The following UBE2D1 variants were observed in gnomAD, a reference collection of about 807,000 sequenced individuals.
UBE2D1 encodes the protein ubiquitin conjugating enzyme E2 D1.
UBE2D1 carries 9 observed loss-of-function variants against 24.6 expected under a neutral mutation model. The observed-to-expected ratio is 0.37, with a 90% CI of 0.22 to 0.64. The LOEUF (loss-of-function observed/expected upper bound fraction) is 0.64. UBE2D1 is among the 30% of genes least tolerant of loss of function. UBE2D1 has a pLI of 0.64. For synonymous variants in UBE2D1, 57 were observed against 57.6 expected (o/e 0.99, Z 0.04); for missense variants, 87 against 177.1 (o/e 0.49, Z 2.89).
intron 1 of UBE2D1, among the ~76,000 whole-genome samples, chr10:58,359,868 A>C (rs1840175391): frequency 6.6e-6 from 1 of 151,962 alleles, no homozygotes; most frequent in Non-Finnish European, 1.5e-5. Flanking sequence ...TAATTCATCA[A>C]CTCCTGTGAT....
chr10:58,335,169 GC>G lies in UBE2D1; in HGVS notation c.-31del. 6.5e-7 allele frequency: 1 copy of G among 1,541,544 alleles called. No homozygotes were observed. The highest frequency in any genetic ancestry group is 1.2e-5 in the South Asian group (1 of 84,120). On this transcript the variant is annotated 5_prime_UTR_variant, in exon 1 of 7. Transcript: ENST00000373910. ...CCCCTGAGCCCCGCAGCCGACCCCT[GC>G]CGGCCGGTGTCCCCACCGCCATCCC...
intron 1 of UBE2D1, among the ~76,000 whole-genome samples, chr10:58,341,335 G>A (rs1193590092): frequency 1.4e-4 from 21 of 152,162 alleles, no homozygotes; most frequent in Admixed American, 1.4e-3. Flanking sequence ...ACAACTTAAA[G>A]AAGCACGGTA....
rs1468916758 is a variant in UBE2D1, at chr10:58,337,187, A to T, written c.24+1962A>T. Among the ~76,000 whole-genome samples the T allele has an allele frequency of 2.0e-5, 3 of 152,330 alleles. No individual in the cohort carries two copies. The East Asian group carries it at 5.8e-4, about 29-fold the overall frequency. ...AGAATTGATATCAAACATGTGACAA[A>T]TTGATATTTTGGAAAAGAAATTGGG... On this transcript the variant is annotated intron_variant, in intron 1 of 6. Transcript: ENST00000373910.
intron 1 of UBE2D1, among the ~76,000 whole-genome samples, chr10:58,350,998 T>TA (rs1840069799): frequency 6.6e-6 from 1 of 152,188 alleles, no homozygotes; most frequent in Non-Finnish European, 1.5e-5. Flanking sequence ...AGCTACTCAT[T>TA]AAAAAGGTAC....
In UBE2D1 at chr10:58,361,421, T is replaced by G. The variant is rs1564561889; in HGVS notation, c.88+20T>G. 1.9e-6 allele frequency: 3 copies of G among 1,614,194 alleles called. No individual in the cohort carries two copies. The highest frequency in any genetic ancestry group is 2.5e-6 in the Non-Finnish European group (3 of 1,180,026). ...ATGACTGTAAGCCTTGCTCTATTTCTGGGATTATGCTACCTTTAAAAATAT... is the reference window on the plus strand; with the variant it reads ...ATGACTGTAAGCCTTGCTCTATTTCGGGGATTATGCTACCTTTAAAAATAT... On this transcript the variant is annotated intron_variant, in intron 2 of 6. Transcript: ENST00000373910.
At chr10:58,339,009 G>A (rs1017561182) in intron 1 of UBE2D1, among the ~76,000 whole-genome samples, 8 of 152,138 alleles carry the variant, frequency 5.3e-5, no homozygotes, top group Non-Finnish European at 8.8e-5. Context: ...TTTTTGATTT[G>A]TAGAATTTTA....
intron 1 of UBE2D1, among the ~76,000 whole-genome samples, chr10:58,343,394 G>A (rs181712596): frequency 2.4e-3 from 368 of 152,214 alleles, no homozygotes; most frequent in African/African-American, 8.4e-3. Flanking sequence ...GTTTTAGTGT[G>A]TGTGTGTGTA....
intron 1 of UBE2D1, among the ~76,000 whole-genome samples, chr10:58,356,151 A>G (rs1437172469): frequency 6.6e-6 from 1 of 152,126 alleles, no homozygotes; most frequent in African/African-American, 2.4e-5. Context: ...CTGAATAAAA[A>G]TCTTTATTTT....
chr10:58,361,795 C>CTT (rs770860227), intron 3 of UBE2D1, among the ~76,000 whole-genome samples: 29 of 131,342 alleles, frequency 2.2e-4, no homozygotes, highest in African/African-American at 6.7e-4. Flanking sequence ...GTGTGTTTAT[C>CTT]TTTTTTTTTT....
At chr10:58,352,600 A>T (rs1450371346) in intron 1 of UBE2D1, among the ~76,000 whole-genome samples, 1 of 152,018 alleles carries the variant, frequency 6.6e-6, no homozygotes, top group African/African-American at 2.4e-5. Context: ...CGAAAAAAAA[A>T]ATTACTATTT....
chr10:58,344,891 G>A (rs1839999727), intron 1 of UBE2D1, among the ~76,000 whole-genome samples: 1 of 148,978 alleles, frequency 6.7e-6, no homozygotes. Context: ...TAATGACAAA[G>A]TCTGGCTCTG....
At chr10:58,355,463 G>T (rs1905455) in intron 1 of UBE2D1, among the ~76,000 whole-genome samples, 79,999 of 151,928 alleles carry the variant, frequency 0.53, 22,022 homozygotes, top group African/African-American at 0.71. Flanking sequence ...GTAACTGTGG[G>T]AAGCAACGTA....
At chr10:58,336,051 C>T (rs1261469214) in intron 1 of UBE2D1, among the ~76,000 whole-genome samples, 1 of 152,174 alleles carries the variant, frequency 6.6e-6, no homozygotes. Flanking sequence ...ATATCTTCAT[C>T]CAACAACTGT....
intron 1 of UBE2D1, among the ~76,000 whole-genome samples, chr10:58,347,670 G>T (rs573504041): frequency 7.2e-6 from 1 of 139,364 alleles, no homozygotes; most frequent in Non-Finnish European, 1.5e-5. Flanking sequence ...GCCCCGAGAC[G>T]GAGTTTTGCT....
At chr10:58,337,746 G>C (rs1367493216) in intron 1 of UBE2D1, among the ~76,000 whole-genome samples, 2 of 152,140 alleles carry the variant, frequency 1.3e-5, no homozygotes, top group African/African-American at 4.8e-5. Flanking sequence ...CCCTCAGATC[G>C]GTTGGGGTGG....
chr10:58,358,735 C>G (rs12245963), intron 1 of UBE2D1, among the ~76,000 whole-genome samples: 2 of 151,962 alleles, frequency 1.3e-5, no homozygotes, highest in African/African-American at 4.8e-5. Flanking sequence ...AAGTCAAAGT[C>G]TGAAATCTGT....
rs1286050272 is a variant in UBE2D1, at chr10:58,369,064, A to C, written c.*299A>C. On this transcript the variant is annotated 3_prime_UTR_variant, in exon 7 of 7. Coordinates refer to ENST00000373910, the MANE Select transcript of UBE2D1 (RefSeq NM_003338.5). ...CTACAATGCAGCTGAAAAGCAACCA[A>C]ATTATTTTTTGCTGAAACTAGATGT... 1 of 202,794 alleles carries C rather than the reference A, an allele frequency of 4.9e-6. No individual in the cohort carries two copies. The highest frequency in any genetic ancestry group is 2.3e-5 in the African/African-American group (1 of 43,516). The allele number at this position is 202,794 out of a possible 1,614,324, so 12.6% of individuals were successfully genotyped here. A position where few individuals can be genotyped will look rare whatever the true frequency, so the allele number is the denominator to read the frequency against.
At chr10:58,349,936 C>T (rs1016137487) in intron 1 of UBE2D1, among the ~76,000 whole-genome samples, 1 of 152,126 alleles carries the variant, frequency 6.6e-6, no homozygotes, top group African/African-American at 2.4e-5. Flanking sequence ...TGCTTTTGCT[C>T]ACCATATTTG....
chr10:58,361,167 G>A (rs1214273166), intron 1 of UBE2D1, among the ~76,000 whole-genome samples, 171 bp from the exon 2 acceptor site: 1 of 152,034 alleles, frequency 6.6e-6, no homozygotes, highest in Non-Finnish European at 1.5e-5. Context: ...GAGGAATTGA[G>A]TACCTTATTC....
Sources: gnomAD v4.1 joint callset for allele counts (sites outside exome capture counted in the v4.1 genomes callset) on GRCh38, gnomAD v4.1.1 for gene constraint, MANE v1.5 for transcripts, NCBI Gene and HGNC (gene_info 2026-07-23, HGNC 2026-07-21) for gene names.